Variants in TRERF1 observed in about 807,000 individuals in gnomAD.
The protein encoded by TRERF1 is transcriptional-regulating factor 1.
A neutral mutation model predicts 122.9 loss-of-function variants in TRERF1; 27 were observed. The ratio of observed to expected loss-of-function variants is 0.22; its 90% CI spans 0.16 to 0.30. TRERF1 has a LOEUF of 0.30. Ranked by LOEUF, TRERF1 falls within the 10% of genes least tolerant of loss-of-function variation. The probability of loss-of-function intolerance (pLI) is 1.00; values close to 1 mark genes in which losing one functional copy is unlikely to be tolerated. For missense variants in TRERF1, 1,248 were observed against 1,560.3 expected, an observed-to-expected ratio of 0.80 and a Z score of 3.37; for synonymous variants, 636 against 641.7, an observed-to-expected ratio of 0.99 and a Z score of 0.13.
chr6:42,404,744 G>C (rs938873070), intron 2 of TRERF1, among the ~76,000 whole-genome samples: 1 of 152,098 alleles, frequency 6.6e-6, no homozygotes, highest in Non-Finnish European at 1.5e-5. Context: ...TCAGAGCTAA[G>C]CAAGTGCAGA....
rs1223294276 is a variant in TRERF1 at position 42,451,721 on chromosome 6, G to C, written c.-539+300C>G. Among the ~76,000 whole-genome samples the C allele has an allele frequency of 1.3e-5, 2 of 150,772 alleles. No homozygotes were observed. Among genetic ancestry groups the C allele is most frequent in the Non-Finnish European group, 1.5e-5 (1 of 67,816 alleles). On this transcript the variant is annotated intron_variant, in intron 1 of 17. In the 5' UTR this introduces an upstream ATG that the reference lacks. Transcript: ENST00000372922. ...TCCTGATGCTGGAAACTTACTCCCA[G>C]ATATAGCGCCCGCCAGCCCCCTTTC...
intron 2 of TRERF1, among the ~76,000 whole-genome samples, chr6:42,429,416 C>T (rs973681186): frequency 4.6e-5 from 7 of 152,124 alleles, no homozygotes; most frequent in East Asian, 3.8e-4. Context: ...GAGAAAACCA[C>T]GGAGGGGGGG....
At chr6:42,273,918 T>C (rs1347176446) in intron 4 of TRERF1, among the ~76,000 whole-genome samples, 2 of 152,248 alleles carry the variant, frequency 1.3e-5, no homozygotes, top group East Asian at 1.9e-4. Context: ...AGCTAGATAA[T>C]TGAACTTCTG....
intron 3 of TRERF1, among the ~76,000 whole-genome samples, chr6:42,334,018 C>CAT (rs1178430602): frequency 1.2e-4 from 18 of 147,958 alleles, no homozygotes; most frequent in African/African-American, 4.8e-4. Flanking sequence ...CACACACACA[C>CAT]ACACACACGT....
intron 3 of TRERF1, among the ~76,000 whole-genome samples, chr6:42,310,748 A>T (rs958805545): frequency 6.6e-6 from 1 of 152,160 alleles, no homozygotes; most frequent in Admixed American, 6.5e-5. Context: ...ACCCACCCCC[A>T]ACCATTTGTC....
At chr6:42,339,836 G>C (rs184003509) in intron 3 of TRERF1, among the ~76,000 whole-genome samples, 1 of 152,248 alleles carries the variant, frequency 6.6e-6, no homozygotes, top group African/African-American at 2.4e-5. Flanking sequence ...ACCTGTGGCT[G>C]AGCCCTGGAG....
At chr6:42,247,282 G>C (rs916775130) in intron 13 of TRERF1, among the ~76,000 whole-genome samples, 11 of 152,226 alleles carry the variant, frequency 7.2e-5, no homozygotes, top group African/African-American at 2.7e-4. Flanking sequence ...ATGCACTTCA[G>C]TTGTTCATTC....
At chr6:42,398,961 T>C (rs1259796043) in intron 2 of TRERF1, among the ~76,000 whole-genome samples, 1 of 152,138 alleles carries the variant, frequency 6.6e-6, no homozygotes, top group Non-Finnish European at 1.5e-5. Flanking sequence ...TGATTCAAGC[T>C]CTGATCCAGT....
intron 2 of TRERF1, among the ~76,000 whole-genome samples, chr6:42,371,118 G>T (rs1430655010): frequency 6.6e-6 from 1 of 152,150 alleles, no homozygotes; most frequent in Non-Finnish European, 1.5e-5. Flanking sequence ...AGTGAAGAGG[G>T]GTGGCGGAGT....
intron 13 of TRERF1, among the ~76,000 whole-genome samples, chr6:42,249,431 T>C (rs766039863): frequency 6.6e-6 from 1 of 152,172 alleles, no homozygotes; most frequent in African/African-American, 2.4e-5. Flanking sequence ...GAGAAGCATG[T>C]CCCTTCATGT....
chr6:42,353,758 A>C (rs571339471), intron 3 of TRERF1, among the ~76,000 whole-genome samples: 1 of 152,368 alleles, frequency 6.6e-6, no homozygotes, highest in South Asian at 2.1e-4. Flanking sequence ...AAAAATGCTC[A>C]TAAGGTAAAA....
chr6:42,402,509 G>C (rs1779537975), intron 2 of TRERF1, among the ~76,000 whole-genome samples: 2 of 152,180 alleles, frequency 1.3e-5, no homozygotes, highest in Admixed American at 6.5e-5. Flanking sequence ...CAGCTCTTAG[G>C]GACTGAAGGC....
intron 2 of TRERF1, 140 bp from the exon 3 acceptor site, chr6:42,363,219 G>A (rs1250577716): frequency 2.0e-5 from 3 of 152,386 alleles, no homozygotes; most frequent in South Asian, 4.1e-4. Flanking sequence ...CACCCAGGAC[G>A]AGGACCCAGC....
At chr6:42,337,198 C>A (rs1213252991) in intron 3 of TRERF1, among the ~76,000 whole-genome samples, 1 of 152,166 alleles carries the variant, frequency 6.6e-6, no homozygotes, top group East Asian at 1.9e-4. Flanking sequence ...CAGGGAAGGA[C>A]AATGGGTAGG....
intron 2 of TRERF1, among the ~76,000 whole-genome samples, chr6:42,449,986 C>G (rs544894104): frequency 1.3e-5 from 2 of 152,202 alleles, no homozygotes; most frequent in Non-Finnish European, 2.9e-5. Context: ...GGGTTGGACC[C>G]GAGATGCTAA....
Position 42,423,180 on chromosome 6 carries a change from T to A in TRERF1, c.-454+27997A>T, listed in dbSNP as rs1360945877. On this transcript the variant is annotated intron_variant, in intron 2 of 17. Transcript: ENST00000372922. ...ACCTTCATGCAGGATGCTTTATCCATCCCCAGAGGAACTCATCTTGGTTTC... is the reference window on the plus strand; with the variant it reads ...ACCTTCATGCAGGATGCTTTATCCAACCCCAGAGGAACTCATCTTGGTTTC... Among the ~76,000 whole-genome samples, 3 of 152,060 alleles carry A rather than the reference T, an allele frequency of 2.0e-5. No homozygotes were observed. In the East Asian group the frequency reaches 5.8e-4, roughly 29 times the overall value.
intron 2 of TRERF1, among the ~76,000 whole-genome samples, chr6:42,405,314 T>C (rs1780004051): frequency 6.6e-6 from 1 of 152,214 alleles, no homozygotes; most frequent in Admixed American, 6.5e-5. Flanking sequence ...GTTATACTGA[T>C]GTGTGCTCAG....
chr6:42,397,203 G>C (rs1778744344), intron 2 of TRERF1, among the ~76,000 whole-genome samples: 1 of 152,170 alleles, frequency 6.6e-6, no homozygotes, highest in African/African-American at 2.4e-5. Flanking sequence ...CATCATCGGA[G>C]TATGGAGACA....
chr6:42,387,277 T>A (rs1158249579), intron 2 of TRERF1, among the ~76,000 whole-genome samples: 2 of 152,236 alleles, frequency 1.3e-5, no homozygotes, highest in African/African-American at 4.8e-5. Context: ...TCTAAGGAAA[T>A]GCAGAAACTA....
Sources: gnomAD v4.1 joint callset for allele counts (sites outside exome capture counted in the v4.1 genomes callset) on GRCh38, gnomAD v4.1.1 for gene constraint, MANE v1.5 for transcripts, NCBI Gene and HGNC (gene_info 2026-07-23, HGNC 2026-07-21) for gene names.